The following WDR72 variants were observed in gnomAD, a reference collection of about 807,000 sequenced individuals.
The protein encoded by WDR72 is WD repeat-containing protein 72.
WDR72 carries 120 observed loss-of-function variants against 124.2 expected under a neutral mutation model. That is an observed-to-expected ratio of 0.97 (90% CI 0.83 to 1.12). The LOEUF (loss-of-function observed/expected upper bound fraction) is 1.12, where lower values mean the gene tolerates loss of function less well. Among genes scored for constraint, WDR72 ranks in the 50% most tolerant of loss-of-function variants. WDR72 has a pLI of 0.00. For synonymous variants in WDR72, 452 were observed against 441.7 expected (o/e 1.02, Z -0.29); for missense variants, 1,387 against 1,278.8 (o/e 1.08, Z -1.29).
At chr15:53,714,931 A>T (rs1328044217) in intron 5 of WDR72, among the ~76,000 whole-genome samples, 1 of 152,150 alleles carries the variant, frequency 6.6e-6, no homozygotes, top group Non-Finnish European at 1.5e-5. Context: ...TTAAAATGTA[A>T]CAAGCAGAAC....
chr15:53,614,089 C>A (rs1410802056), intron 15 of WDR72, among the ~76,000 whole-genome samples: 1 of 151,994 alleles, frequency 6.6e-6, no homozygotes, highest in Non-Finnish European at 1.5e-5. Flanking sequence ...ACTAATGCAA[C>A]AAATTTAAAA....
intron 14 of WDR72, among the ~76,000 whole-genome samples, chr15:53,655,172 A>G (rs1454232894): frequency 2.1e-5 from 3 of 141,520 alleles, no homozygotes; most frequent in African/African-American, 7.9e-5. Context: ...CAGAGGCTGC[A>G]ATGAGCAAGG....
chr15:53,711,283 C>CA (rs1567042565), intron 8 of WDR72, 53 bp downstream of exon 8: 1 of 1,613,322 alleles, frequency 6.2e-7, no homozygotes, highest in Non-Finnish European at 8.5e-7. Context: ...ATAAACCTCC[C>CA]AAAGTTCATT....
At chr15:53,596,820 A>G (rs1381331332) in intron 18 of WDR72, among the ~76,000 whole-genome samples, 1 of 152,102 alleles carries the variant, frequency 6.6e-6, no homozygotes, top group African/African-American at 2.4e-5. Flanking sequence ...GTGAACTTAC[A>G]TTTTCAATAC....
chr15:53,708,040 A>G (rs995082328), intron 9 of WDR72, among the ~76,000 whole-genome samples: 1 of 151,974 alleles, frequency 6.6e-6, no homozygotes, highest in Non-Finnish European at 1.5e-5. Flanking sequence ...CACCTTCCAC[A>G]TTGCTGCTTC....
At chr15:53,540,633 A>T (rs186141108) in intron 18 of WDR72, among the ~76,000 whole-genome samples, 126 of 152,080 alleles carry the variant, frequency 8.3e-4, no homozygotes, top group African/African-American at 2.9e-3. Context: ...AAAGAAGAAC[A>T]GGAGGAGCCA....
intron 18 of WDR72, among the ~76,000 whole-genome samples, chr15:53,535,025 A>AT (rs139033037): frequency 3.3e-5 from 5 of 152,116 alleles, no homozygotes. Context: ...GTGATAAAAT[A>AT]TTTTTTTAAG....
intron 18 of WDR72, among the ~76,000 whole-genome samples, chr15:53,579,475 A>G (rs1481568059): frequency 1.3e-5 from 2 of 152,108 alleles, no homozygotes; most frequent in Non-Finnish European, 2.9e-5. Context: ...TGTGTGGTTC[A>G]TCTGCCACTT....
chr15:53,704,706 G>C (rs1010702675), intron 11 of WDR72, among the ~76,000 whole-genome samples: 4 of 56,894 alleles, frequency 7.0e-5, no homozygotes, highest in Admixed American at 3.7e-4. Flanking sequence ...TTTTTTTTTT[G>C]TATTTTTAGT....
chr15:53,718,526 G>A (rs944036771), intron 3 of WDR72, among the ~76,000 whole-genome samples: 15 of 151,992 alleles, frequency 9.9e-5, no homozygotes, highest in African/African-American at 3.6e-4. Context: ...GCAAAAATTT[G>A]CTCTTTGCCT....
At chr15:53,720,705 T>C (rs1259511290) in intron 3 of WDR72, among the ~76,000 whole-genome samples, 2 of 152,162 alleles carry the variant, frequency 1.3e-5, no homozygotes, top group African/African-American at 4.8e-5. Context: ...CACTCCTTGG[T>C]AAATAAACTG....
intron 6 of WDR72, among the ~76,000 whole-genome samples, chr15:53,713,836 A>C (rs2140554876): frequency 6.6e-6 from 1 of 152,308 alleles, no homozygotes; most frequent in African/African-American, 2.4e-5. Context: ...GTTCTCAATA[A>C]GTTTGTGAAA....
At chr15:53,699,275 A>T (rs2017094940) in intron 13 of WDR72, among the ~76,000 whole-genome samples, 1 of 152,216 alleles carries the variant, frequency 6.6e-6, no homozygotes, top group Non-Finnish European at 1.5e-5. Context: ...ATGATATGAT[A>T]TCAAAAGTTC....
chr15:53,683,184 A>G (rs2016460213), intron 13 of WDR72, among the ~76,000 whole-genome samples: 2 of 152,256 alleles, frequency 1.3e-5, no homozygotes, highest in South Asian at 4.1e-4. Context: ...AGAGATTACA[A>G]TTTGAGGTGA....
intron 13 of WDR72, among the ~76,000 whole-genome samples, chr15:53,698,188 G>A (rs896609672): frequency 1.3e-5 from 2 of 152,026 alleles, no homozygotes; most frequent in Non-Finnish European, 2.9e-5. Context: ...TCCCACTCTG[G>A]CAAAGAAATA....
At chr15:53,561,784 C>T (rs1465241727) in intron 18 of WDR72, among the ~76,000 whole-genome samples, 1 of 151,828 alleles carries the variant, frequency 6.6e-6, no homozygotes, top group Non-Finnish European at 1.5e-5. Flanking sequence ...CAGCACCCTA[C>T]TATAGACCAA....
chr15:53,571,494 T>C (rs1894524008), intron 18 of WDR72, among the ~76,000 whole-genome samples: 1 of 152,094 alleles, frequency 6.6e-6, no homozygotes, highest in Admixed American at 6.6e-5. Flanking sequence ...ACCTGTCCTA[T>C]TTCACTCAAC....
At chr15:53,589,056 G>C (rs2012362074) in intron 18 of WDR72, among the ~76,000 whole-genome samples, 1 of 151,922 alleles carries the variant, frequency 6.6e-6, no homozygotes, top group Admixed American at 6.6e-5. Flanking sequence ...AACTGTAACT[G>C]AATAAGGAGT....
intron 3 of WDR72, among the ~76,000 whole-genome samples, chr15:53,722,237 G>A (rs182658666): frequency 9.9e-5 from 15 of 151,888 alleles, no homozygotes; most frequent in Admixed American, 3.9e-4. Context: ...GTTTCGTCAC[G>A]TCGGCCAGGC....
Sources: allele counts gnomAD v4.1 joint callset (sites outside exome capture counted in the v4.1 genomes callset), GRCh38; gene constraint gnomAD v4.1.1; transcripts MANE v1.5; gene names NCBI Gene and HGNC (gene_info 2026-07-23, HGNC 2026-07-21).